SMG5: variants seen among roughly 807,000 people sequenced by gnomAD.
SMG5 encodes SMG5 nonsense mediated mRNA decay factor.
A neutral mutation model predicts 122.9 loss-of-function variants in SMG5; 53 were observed. The ratio of observed to expected loss-of-function variants is 0.43; its 90% confidence interval spans 0.35 to 0.54. The LOEUF is 0.54. Among genes scored for constraint, SMG5 ranks in the 20% least tolerant of loss-of-function variants. The probability of loss-of-function intolerance (pLI) is 0.01; values close to 1 mark genes in which losing one functional copy is unlikely to be tolerated. For missense variants in SMG5, 1,153 were observed against 1,285.6 expected, an observed-to-expected ratio of 0.90 and a Z score of 1.58; for synonymous variants, 477 against 490.2, an observed-to-expected ratio of 0.97 and a Z score of 0.35.
At position 156,249,721 on chromosome 1, in the gene SMG5, G is replaced by T. The variant is rs1286597104; in HGVS notation, c.*866C>A. The stretch of plus-strand genomic sequence containing the variant: ...TTGTCTTCAGCCCTCCCTTAGATAG[G>T]AAGGGGGGTGGTGGCCTCAGACTGC... On this transcript the variant is annotated 3_prime_UTR_variant, in exon 22 of 22. Transcript: ENST00000361813. 2.1e-6 allele frequency: 1 copy of T among 469,466 alleles called. No homozygotes were observed. Among genetic ancestry groups the T allele is most frequent in the African/African-American group, 2.0e-5 (1 of 50,164 alleles). 29.1% of individuals were successfully genotyped at this position (469,466 alleles called of 1,614,324 possible). A position where few individuals can be genotyped will look rare whatever the true frequency, so the allele number is the denominator to read the frequency against.
At chr1:156,275,822 T>G (rs1662655888) in intron 4 of SMG5, among the ~76,000 whole-genome samples, 1 of 151,988 alleles carries the variant, frequency 6.6e-6, no homozygotes, top group African/African-American at 2.4e-5. Context: ...GTGGTTTTTT[T>G]TTTTTTTTGG....
At chr1:156,261,512 G>C in intron 13 of SMG5, 104 bp from the exon 14 acceptor site, 1 of 844,162 alleles carries the variant, frequency 1.2e-6, no homozygotes, top group Non-Finnish European at 1.9e-6. Context: ...TATGTTCAGA[G>C]GCCTGTGGGG....
At position 156,267,549 on chromosome 1, in the gene SMG5, T is replaced by C. The variant is rs769566880; in HGVS notation, c.1038A>G (p.Gly346=). The C allele has an allele frequency of 1.9e-6, 3 of 1,614,098 alleles. No homozygotes were observed. The highest frequency in any genetic ancestry group is 2.5e-6 in the Non-Finnish European group (3 of 1,180,016). The change falls in exon 10 of 22, where the codon GGA becomes GGG. Residue 346 remains glycine, a synonymous_variant. Coordinates refer to ENST00000361813, the MANE Select transcript of SMG5 (RefSeq NM_015327.3). ...TGAGAAGGTCCGGGAGGAAAGCATATCCACTCTCATACTCCTCCTCATCCT... is the reference window on the plus strand; with the variant it reads ...TGAGAAGGTCCGGGAGGAAAGCATACCCACTCTCATACTCCTCCTCATCCT... ...ASEDEEEYES[G]YAFLPDLLIF...
chr1:156,281,933 AG>A (rs1662969693), intron 1 of SMG5, among the ~76,000 whole-genome samples: 4 of 152,112 alleles, frequency 2.6e-5, no homozygotes, highest in African/African-American at 7.2e-5. Flanking sequence ...GCCTGGCAAG[AG>A]ACTACAGTCA....
intron 6 of SMG5, 106 bp from the exon 7 acceptor site, chr1:156,272,504 G>C: frequency 1.2e-6 from 1 of 862,248 alleles, no homozygotes; most frequent in Non-Finnish European, 1.9e-6. Flanking sequence ...GAACAGCTGG[G>C]TCTGCAGGCA....
At position 156,253,166 on chromosome 1, in the gene SMG5, G is replaced by A. The variant is rs924346687; in HGVS notation, c.2503-88C>T. On this transcript the variant is annotated intron_variant, in intron 17 of 21. Transcript: ENST00000361813. ...AGTGGTGCTCAAGGTGGCTCTATGG[G>A]GCTCCTCCTGTTGTTAAGGGGATCA... The A allele has an allele frequency of 9.3e-6, 13 of 1,404,040 alleles. No homozygotes were observed. The South Asian group carries it at 1.8e-4, about 20-fold the overall frequency. 87.0% of individuals were successfully genotyped at this position (1,404,040 alleles called of 1,614,324 possible).
intron 16 of SMG5, 57 bp downstream of exon 16, chr1:156,258,948 G>A: frequency 6.2e-7 from 1 of 1,603,716 alleles, no homozygotes; most frequent in Non-Finnish European, 8.5e-7. Context: ...TCTTGCCCTG[G>A]TTTCTCAGTG....
Position 156,249,603 on chromosome 1 carries a change from C to T in SMG5, c.*984G>A, listed in dbSNP as rs1572566640. 1 of 389,542 alleles carries T rather than the reference C, an allele frequency of 2.6e-6. No individual in the cohort carries two copies. The highest frequency in any genetic ancestry group is 7.2e-5 in the East Asian group (1 of 13,878). The allele number at this position is 389,542 out of a possible 1,614,324, so 24.1% of individuals were successfully genotyped here. A position where few individuals can be genotyped will look rare whatever the true frequency, so the allele number is the denominator to read the frequency against. On this transcript the variant is annotated 3_prime_UTR_variant, in exon 22 of 22. Transcript: ENST00000361813. Reference sequence around the variant, plus strand: ...CCAAAAGCCAGCCCCTTCAGGTCTTCAGTCCTGCGGAAGGCAAAAGGAGGG... The same window carrying T: ...CCAAAAGCCAGCCCCTTCAGGTCTTTAGTCCTGCGGAAGGCAAAAGGAGGG...
At chr1:156,270,572 G>A (rs1662363929) in intron 7 of SMG5, among the ~76,000 whole-genome samples, 1 of 152,204 alleles carries the variant, frequency 6.6e-6, no homozygotes, top group African/African-American at 2.4e-5. Flanking sequence ...GCAGAGTCAG[G>A]TATGCCCTTA....
upstream of SMG5, chr1:156,285,549 C>T (rs539556281): frequency 6.2e-7 from 1 of 1,614,096 alleles, no homozygotes; most frequent in Non-Finnish European, 8.5e-7. Flanking sequence ...GAACCACTTA[C>T]CAAGCTAGAG....
At chr1:156,251,615 A>G (rs928026863) in intron 19 of SMG5, 138 bp from the exon 20 acceptor site, 1 of 819,470 alleles carries the variant, frequency 1.2e-6, no homozygotes, top group Admixed American at 1.9e-5. Flanking sequence ...ACAGCTCTGG[A>G]GCCATTCTTA....
At chr1:156,273,601 G>T in intron 5 of SMG5, 151 bp from the exon 6 acceptor site, 1 of 646,672 alleles carries the variant, frequency 1.5e-6, no homozygotes, top group Non-Finnish European at 2.7e-6. Flanking sequence ...CTCTGGCACA[G>T]TCCTAAATCT....
intron 7 of SMG5, among the ~76,000 whole-genome samples, chr1:156,270,145 G>A (rs1662343315): frequency 6.6e-6 from 1 of 151,994 alleles, no homozygotes; most frequent in South Asian, 2.1e-4. Context: ...TAAAATAGAA[G>A]AAACCAATGT....
chr1:156,273,362 A>C lies in SMG5; in HGVS notation c.633T>G (p.Ile211Met). The C allele has an allele frequency of 6.2e-7, 1 of 1,613,328 alleles. No homozygotes were observed. Among genetic ancestry groups the C allele is most frequent in the Non-Finnish European group, 8.5e-7 (1 of 1,179,832 alleles). The change falls in exon 6 of 22, where the codon ATT becomes ATG. Residue 211 changes from isoleucine (I) to methionine (M), a missense_variant and splice_region_variant. Transcript: ENST00000361813. ...YYQALSVAPQ[I>M]GMPFNQLGTL... ...AGGCCCAAGTTGGGGACAACTTACC[A>C]ATCTGAGGAGCTACTGACAGGGCTT...
Position 156,266,348 on chromosome 1 carries a change from C to T in SMG5, c.1288G>A (p.Glu430Lys), listed in dbSNP as rs1662137515. ...GGAGGCTCAGGATCTGGCTCCTCCTCTTTCTCCACAGGTTCCTTGGACTCT... is the reference window on the plus strand; with the variant it reads ...GGAGGCTCAGGATCTGGCTCCTCCTTTTTCTCCACAGGTTCCTTGGACTCT... ...EPESKEPVEK[E>K]EEPDPEPPPV... The change falls in exon 12 of 22, where the codon GAG becomes AAG. Residue 430 changes from glutamate to lysine, a missense_variant. This residue lies in a region of SMG5 where 631 missense variants were observed against 650.6 expected (regional missense o/e 0.97). Transcript: ENST00000361813. The T allele has an allele frequency of 1.9e-6, 3 of 1,613,752 alleles. No individual in the cohort carries two copies. The highest frequency in any genetic ancestry group is 1.7e-5 in the Admixed American group (1 of 59,998).
At chr1:156,256,166 G>A (rs1157339334) in intron 16 of SMG5, among the ~76,000 whole-genome samples, 2 of 151,992 alleles carry the variant, frequency 1.3e-5, no homozygotes, top group African/African-American at 4.8e-5. Context: ...ATAGTTGCAA[G>A]ATCCACTCCC....
At chr1:156,260,372 TC>T in intron 15 of SMG5, 78 bp downstream of exon 15, 1 of 1,507,452 alleles carries the variant, frequency 6.6e-7, no homozygotes, top group Non-Finnish European at 9.0e-7. Flanking sequence ...TCCTGCCCCC[TC>T]CCTCCCCAGA....
At chr1:156,253,773 C>A in intron 16 of SMG5, 1 of 508,170 alleles carries the variant, frequency 2.0e-6, no homozygotes, top group Non-Finnish European at 3.6e-6. Context: ...TGTGCCGTCA[C>A]CATGCAGGAC....
chr1:156,283,264 C>T (rs1001943946), upstream of SMG5, among the ~76,000 whole-genome samples: 3 of 152,190 alleles, frequency 2.0e-5, no homozygotes, highest in African/African-American at 7.2e-5. Context: ...GGCCGAGCAT[C>T]ACATAGGAGT....
Sources: gnomAD v4.1 joint callset for allele counts (sites outside exome capture counted in the v4.1 genomes callset) on GRCh38, gnomAD v4.1.1 for gene constraint, gnomAD v4.1.1 regional missense constraint, MANE v1.5 for transcripts, NCBI Gene and HGNC (gene_info 2026-07-23, HGNC 2026-07-21) for gene names.